Variants in RAB28 observed in about 807,000 individuals in gnomAD.
RAB28 encodes the protein ras-related protein Rab-28.
Under a neutral mutation model 31.7 loss-of-function variants are expected in RAB28, and 24 were observed. The observed-to-expected ratio is 0.76, with a 90% CI of 0.55 to 1.06. RAB28 has a LOEUF of 1.06. Among genes scored for constraint, RAB28 ranks in the 50% least tolerant of loss-of-function variants. The pLI is 0.00. For synonymous variants in RAB28, 100 were observed against 90.4 expected (o/e 1.11, Z -0.60); for missense variants, 254 against 258.5 (o/e 0.98, Z 0.12).
At chr4:13,483,903 G>C (rs961636620) in intron 1 of RAB28, among the ~76,000 whole-genome samples, 173 bp downstream of exon 1, 1 of 152,188 alleles carries the variant, frequency 6.6e-6, no homozygotes, top group African/African-American at 2.4e-5. Context: ...AGCTCTCGTC[G>C]GCCTTCACCA....
rs367739550 is a variant in RAB28, at chr4:13,430,853, A to G, written c.391+29846T>C. Reference sequence around the variant, plus strand: ...TGCCACCCCTAAAGGAAGAGGGAAGAACAGCCCACCAAAACCCACCTTGGG... The same window carrying G: ...TGCCACCCCTAAAGGAAGAGGGAAGGACAGCCCACCAAAACCCACCTTGGG... On this transcript the variant is annotated intron_variant, in intron 4 of 6. Transcript: ENST00000330852. 3.9e-5 allele frequency among the ~76,000 whole-genome samples: 6 copies of G among 152,254 alleles called. No individual in the cohort carries two copies. The East Asian group carries it at 9.7e-4, about 25-fold the overall frequency.
chr4:13,373,007 C>T (rs556174286), intron 6 of RAB28, among the ~76,000 whole-genome samples: 18 of 151,974 alleles, frequency 1.2e-4, no homozygotes, highest in Non-Finnish European at 2.1e-4. Context: ...CTAATACATA[C>T]CTAGTTCAAA....
intron 4 of RAB28, among the ~76,000 whole-genome samples, chr4:13,454,048 T>C (rs934482515): frequency 6.6e-6 from 1 of 152,146 alleles, no homozygotes; most frequent in Non-Finnish European, 1.5e-5. Flanking sequence ...TAGTTATTTA[T>C]TTTTGTCTGT....
chr4:13,401,439 T>C (rs140789386), intron 4 of RAB28, among the ~76,000 whole-genome samples: 1,806 of 152,198 alleles, frequency 0.012, 40 homozygotes, highest in African/African-American at 0.041. Context: ...GACGGGTTGA[T>C]GGGTGCAGCA....
At chr4:13,390,284 C>A (rs1172195259) in intron 4 of RAB28, among the ~76,000 whole-genome samples, 1 of 151,964 alleles carries the variant, frequency 6.6e-6, no homozygotes, top group Non-Finnish European at 1.5e-5. Flanking sequence ...GAGAGCCAAA[C>A]CATGAAGGAA....
At chr4:13,474,995 G>A (rs192461801) in intron 2 of RAB28, among the ~76,000 whole-genome samples, 24 of 151,642 alleles carry the variant, frequency 1.6e-4, no homozygotes, top group Admixed American at 1.1e-3. Context: ...AAATAGAAAC[G>A]CATTTGATAG....
intron 3 of RAB28, among the ~76,000 whole-genome samples, chr4:13,472,276 T>G (rs890531209): frequency 5.9e-5 from 9 of 151,954 alleles, no homozygotes; most frequent in Non-Finnish European, 1.3e-4. Flanking sequence ...GCCTCTCAGT[T>G]AGCTGAGATT....
At chr4:13,369,669 T>C (rs1728640957) in intron 6 of RAB28, among the ~76,000 whole-genome samples, 1 of 152,128 alleles carries the variant, frequency 6.6e-6, no homozygotes, top group Non-Finnish European at 1.5e-5. Context: ...GTTATTTTAA[T>C]TTGTTCCCAA....
intron 4 of RAB28, among the ~76,000 whole-genome samples, chr4:13,445,934 A>C (rs1481871846): frequency 6.6e-6 from 1 of 152,194 alleles, no homozygotes; most frequent in East Asian, 1.9e-4. Flanking sequence ...CAAAGCCAGC[A>C]GGCAGGAAAG....
intron 5 of RAB28, among the ~76,000 whole-genome samples, chr4:13,377,383 C>CT (rs1728963145): frequency 6.6e-6 from 1 of 152,112 alleles, no homozygotes; most frequent in South Asian, 2.1e-4. Context: ...TTTATCAAAA[C>CT]TTTATTAATT....
intron 4 of RAB28, among the ~76,000 whole-genome samples, chr4:13,426,420 C>T (rs1037211900): frequency 2.0e-5 from 3 of 152,134 alleles, no homozygotes; most frequent in Non-Finnish European, 2.9e-5. Context: ...AAAATAGATG[C>T]TTTCAAAAGA....
At chr4:13,434,779 G>A (rs1006630042) in intron 4 of RAB28, among the ~76,000 whole-genome samples, 1 of 152,078 alleles carries the variant, frequency 6.6e-6, no homozygotes, top group African/African-American at 2.4e-5. Context: ...AGCACTTTGC[G>A]AGGCCAAGCT....
rs1473740476 is a variant in RAB28 at position 13,385,265 on chromosome 4, TTG to T, written c.392-3673_392-3672del. ...AACAGATGGGGAGATTGGAAGCAAA[TTG>T]GAACACATATTTCAAGATATCATCC... On this transcript the variant is annotated intron_variant, in intron 4 of 6. Coordinates refer to ENST00000330852, the MANE Select transcript of RAB28 (RefSeq NM_001017979.3). Among the ~76,000 whole-genome samples the T allele has an allele frequency of 3.3e-5, 5 of 152,112 alleles. No homozygotes were observed. The East Asian group carries it at 7.8e-4, about 24-fold the overall frequency.
chr4:13,433,645 TA>T (rs558890913), intron 4 of RAB28, among the ~76,000 whole-genome samples: 2 of 150,828 alleles, frequency 1.3e-5, no homozygotes, highest in African/African-American at 4.9e-5. Context: ...ATTGAAAAGT[TA>T]AAAAAAAATA....
chr4:13,435,496 G>A (rs984541348), intron 4 of RAB28, among the ~76,000 whole-genome samples: 1 of 151,628 alleles, frequency 6.6e-6, no homozygotes, highest in Non-Finnish European at 1.5e-5. Flanking sequence ...AATTAACCAA[G>A]AAGAAAAAAG....
intron 4 of RAB28, among the ~76,000 whole-genome samples, chr4:13,457,063 C>G (rs1364736819): frequency 2.0e-5 from 3 of 152,156 alleles, no homozygotes; most frequent in African/African-American, 7.2e-5. Context: ...TTTCCACAGC[C>G]TACACATTTC....
rs559847820 is a variant in RAB28 at position 13,381,521 on chromosome 4, G to T, written c.465C>A (p.Ser155Arg). 1 of 1,612,856 alleles carries T rather than the reference G, an allele frequency of 6.2e-7. No homozygotes were observed. Among genetic ancestry groups the T allele is most frequent in the Non-Finnish European group, 8.5e-7 (1 of 1,179,170 alleles). Residue 155 changes from serine (S) to arginine (R), a missense_variant, in exon 5 of 7, where the codon AGC becomes AGA. Transcript: ENST00000330852. ...CTCCTGTCTTGGCTGAGACAAAGTGGCTACTAAAACCATTTTCCTGGCAAA... is the reference window on the plus strand; with the variant it reads ...CTCCTGTCTTGGCTGAGACAAAGTGTCTACTAAAACCATTTTCCTGGCAAA... ...LRFCQENGFS[S>R]HFVSAKTGDS...
intron 4 of RAB28, among the ~76,000 whole-genome samples, chr4:13,456,412 G>C (rs1307092140): frequency 6.6e-6 from 1 of 152,110 alleles, no homozygotes; most frequent in African/African-American, 2.4e-5. Flanking sequence ...ATAGTTACTG[G>C]GCACTTACTA....
chr4:13,482,704 C>A (rs1225055239), intron 1 of RAB28, among the ~76,000 whole-genome samples: 1 of 152,134 alleles, frequency 6.6e-6, no homozygotes, highest in Non-Finnish European at 1.5e-5. Flanking sequence ...CTTCCCCCAA[C>A]GTTTAAAGGT....
Sources: allele counts gnomAD v4.1 joint callset (sites outside exome capture counted in the v4.1 genomes callset), GRCh38; gene constraint gnomAD v4.1.1; transcripts MANE v1.5; gene names NCBI Gene and HGNC (gene_info 2026-07-23, HGNC 2026-07-21).